Variants in RBBP5 observed in about 807,000 individuals in gnomAD.
RBBP5 encodes RB binding protein 5, histone lysine methyltransferase complex subunit.
Under a neutral mutation model 72.2 loss-of-function variants are expected in RBBP5, and 5 were observed. The ratio of observed to expected loss-of-function variants is 0.07; its 90% CI spans 0.04 to 0.15. The LOEUF (loss-of-function observed/expected upper bound fraction) is 0.15, where lower values mean the gene tolerates loss of function less well. Among genes scored for constraint, RBBP5 ranks in the 10% least tolerant of loss-of-function variants. RBBP5 has a pLI of 1.00. For missense variants in RBBP5, 322 were observed against 652.2 expected (o/e 0.49, Z 5.51); for synonymous variants, 209 against 237.2 (o/e 0.88, Z 1.09).
chr1:205,121,095 A>T (rs1023554546), intron 1 of RBBP5, among the ~76,000 whole-genome samples: 1 of 152,254 alleles, frequency 6.6e-6, no homozygotes, highest in Non-Finnish European at 1.5e-5. Context: ...ACCATTAGGA[A>T]CAGCAAGTAG....
intron 3 of RBBP5, among the ~76,000 whole-genome samples, chr1:205,111,812 A>C (rs1231308334): frequency 6.6e-6 from 1 of 152,104 alleles, no homozygotes; most frequent in Admixed American, 6.6e-5. Flanking sequence ...TAGGAATCAA[A>C]TTCCTGAGTA....
intron 3 of RBBP5, among the ~76,000 whole-genome samples, chr1:205,106,050 G>C (rs898556226): frequency 6.6e-5 from 10 of 152,190 alleles, no homozygotes; most frequent in African/African-American, 1.9e-4. Context: ...ACCACCAGCA[G>C]TAATGAGGTC....
chr1:205,090,418 T>C (rs1163567832), intron 13 of RBBP5, among the ~76,000 whole-genome samples: 1 of 152,246 alleles, frequency 6.6e-6, no homozygotes, highest in Non-Finnish European at 1.5e-5. Context: ...GGGCAGCTCA[T>C]GTTTCTATAC....
intron 1 of RBBP5, 64 bp from the exon 2 acceptor site, chr1:205,115,947 C>G (rs779811259): frequency 6.2e-7 from 1 of 1,613,822 alleles, no homozygotes; most frequent in South Asian, 1.1e-5. Flanking sequence ...ATACAACTCA[C>G]GAACAGTGTA....
In RBBP5 at chr1:205,110,488, A is replaced by G. The variant is rs191627956; in HGVS notation, c.218+4301T>C. ...ACAGTTAAATCTATGATGCATGTATACTGTGCAATACTCTATAGACACAAC... is the reference window on the plus strand; with the variant it reads ...ACAGTTAAATCTATGATGCATGTATGCTGTGCAATACTCTATAGACACAAC... On this transcript the variant is annotated intron_variant, in intron 3 of 13. Coordinates refer to ENST00000264515, the MANE Select transcript of RBBP5 (RefSeq NM_005057.4). 5.6e-4 allele frequency among the ~76,000 whole-genome samples: 86 copies of G among 152,376 alleles called. No individual in the cohort carries two copies. The Middle Eastern group carries it at 0.017, about 30-fold the overall frequency.
intron 3 of RBBP5, among the ~76,000 whole-genome samples, chr1:205,114,380 T>C (rs1361279153): frequency 2.6e-5 from 4 of 152,252 alleles, no homozygotes; most frequent in Non-Finnish European, 5.9e-5. Context: ...TTAATAACTA[T>C]ATTTCATTGA....
At chr1:205,109,363 A>G (rs977238180) in intron 3 of RBBP5, among the ~76,000 whole-genome samples, 2 of 152,224 alleles carry the variant, frequency 1.3e-5, no homozygotes, top group Non-Finnish European at 2.9e-5. Flanking sequence ...AATACACATT[A>G]TATCAGAAAT....
Position 205,096,705 on chromosome 1 carries a change from T to A in RBBP5, c.1373A>T (p.Glu458Val), listed in dbSNP as rs761453173. 1 of 1,614,084 alleles carries A rather than the reference T, an allele frequency of 6.2e-7. No homozygotes were observed. Among genetic ancestry groups the A allele is most frequent in the East Asian group, 2.2e-5 (1 of 44,882 alleles). ...PKKKPKTTNIELQGVPNDEVH... is the reference protein window; with the variant it reads ...PKKKPKTTNIVLQGVPNDEVH... ...ACCATCATTTGGTACTCCTTGAAGT[T>A]CTATATTGGTTGTTTTGGGTTTCTT... The change falls in exon 12 of 14, where the codon GAA (glutamate) becomes GTA (valine). Residue 458 changes from glutamate to valine, a missense_variant. Physicochemically the swap from Glu to Val is moderately radical, Grantham distance 121 (BLOSUM62 -2). Around this residue, in one of 6 missense-constraint regions of RBBP5, gnomAD observed 109 missense variants for 146.3 expected, o/e 0.75. Coordinates refer to ENST00000264515, the MANE Select transcript of RBBP5 (RefSeq NM_005057.4).
chr1:205,088,935 CCT>C, intron 13 of RBBP5, 120 bp from the exon 14 acceptor site: 1 of 880,424 alleles, frequency 1.1e-6, no homozygotes, highest in African/African-American at 1.8e-5. Flanking sequence ...AAGAAATTCC[CCT>C]TTTTAAGAAA....
chr1:205,102,412 A>C (rs554717473), intron 5 of RBBP5, among the ~76,000 whole-genome samples: 1 of 152,216 alleles, frequency 6.6e-6, no homozygotes, highest in Non-Finnish European at 1.5e-5. Context: ...CAGTCACAAA[A>C]GGGCAAATAC....
chr1:205,093,953 C>CA (rs891213306), intron 13 of RBBP5, among the ~76,000 whole-genome samples: 1 of 151,866 alleles, frequency 6.6e-6, no homozygotes, highest in Non-Finnish European at 1.5e-5. Context: ...AAACTAGCCA[C>CA]AAAAAAATTG....
intron 3 of RBBP5, among the ~76,000 whole-genome samples, chr1:205,111,057 C>CT (rs1161436639): frequency 3.3e-5 from 5 of 152,096 alleles, no homozygotes; most frequent in African/African-American, 1.2e-4. Context: ...GAGCAAGACT[C>CT]TGTCTCGAAA....
At chr1:205,095,270 A>G (rs1020088293) in intron 12 of RBBP5, among the ~76,000 whole-genome samples, 3 of 152,244 alleles carry the variant, frequency 2.0e-5, no homozygotes, top group Admixed American at 2.0e-4. Flanking sequence ...CATGGCTTAT[A>G]TTAAGCTTGT....
chr1:205,102,630 A>T (rs908048507), intron 5 of RBBP5, among the ~76,000 whole-genome samples: 5 of 152,200 alleles, frequency 3.3e-5, no homozygotes, highest in Non-Finnish European at 5.9e-5. Flanking sequence ...ATTACCACTG[A>T]ACTGTACAGT....
chr1:205,107,091 C>T (rs534024867), intron 3 of RBBP5, among the ~76,000 whole-genome samples: 5 of 145,368 alleles, frequency 3.4e-5, no homozygotes, highest in Non-Finnish European at 6.0e-5. Flanking sequence ...TATATATACA[C>T]ACACACACAC....
chr1:205,088,603 G>A lies in RBBP5; in HGVS notation c.*184C>T. ...TTGGACTTATGCTTGAAAGGGAAGG[G>A]AAGGTCGTATACTCTTCTTCCATAA... On this transcript the variant is annotated 3_prime_UTR_variant, in exon 14 of 14. Transcript: ENST00000264515. 2 of 567,056 alleles carry A rather than the reference G, an allele frequency of 3.5e-6. No individual in the cohort carries two copies. Among genetic ancestry groups the A allele is most frequent in the Middle Eastern group, 4.2e-4 (1 of 2,360 alleles). The allele number at this position is 567,056 out of a possible 1,614,324, so 35.1% of individuals were successfully genotyped here.
At chr1:205,104,306 T>C (rs1039607590) in intron 4 of RBBP5, among the ~76,000 whole-genome samples, 2 of 142,920 alleles carry the variant, frequency 1.4e-5, no homozygotes, top group Non-Finnish European at 3.0e-5. Context: ...GCAGATCACT[T>C]GAGGTCAGGA....
In RBBP5 at chr1:205,100,291, A is replaced by G. The variant is rs142134056; in HGVS notation, c.633-20T>C. On this transcript the variant is annotated intron_variant, in intron 6 of 13. Coordinates refer to ENST00000264515, the MANE Select transcript of RBBP5 (RefSeq NM_005057.4). Reference sequence around the variant, plus strand: ...AAGCAACTACGGGAAGGATAAAAATATCAACACCAGAGGTCAGAAATCTGT... The same window carrying G: ...AAGCAACTACGGGAAGGATAAAAATGTCAACACCAGAGGTCAGAAATCTGT... The G allele has an allele frequency of 5.2e-3, 8,436 of 1,612,034 alleles. 23 individuals are homozygous for G. Among genetic ancestry groups the G allele is most frequent in the Non-Finnish European group, 6.2e-3 (7,305 of 1,179,892 alleles).
At chr1:205,094,162 A>C (rs1033919120) in intron 13 of RBBP5, among the ~76,000 whole-genome samples, 2 of 152,216 alleles carry the variant, frequency 1.3e-5, no homozygotes, top group Non-Finnish European at 2.9e-5. Context: ...GTAATATAAA[A>C]GTGAGAAAAC....
Sources: allele counts gnomAD v4.1 joint callset (sites outside exome capture counted in the v4.1 genomes callset), GRCh38; gene constraint gnomAD v4.1.1; regional missense constraint gnomAD v4.1.1; transcripts MANE v1.5; gene names NCBI Gene and HGNC (gene_info 2026-07-23, HGNC 2026-07-21).